Variants in NPLOC4 observed in about 807,000 individuals in gnomAD.
NPLOC4 encodes the protein nuclear protein localization protein 4 homolog.
NPLOC4 carries 18 observed loss-of-function variants against 80.6 expected under a neutral mutation model. That is an observed-to-expected ratio of 0.22 (90% CI 0.15 to 0.33). The LOEUF (loss-of-function observed/expected upper bound fraction) is 0.33. Ranked by LOEUF, NPLOC4 falls within the 10% of genes least tolerant of loss-of-function variation. The pLI is 1.00. For synonymous variants in NPLOC4, 313 were observed against 301.5 expected (o/e 1.04, Z -0.39); for missense variants, 540 against 786.1 (o/e 0.69, Z 3.74).
At chr17:81,564,040 C>T (rs2033930599) in intron 16 of NPLOC4, 1 of 409,106 alleles carries the variant, frequency 2.4e-6, no homozygotes, top group South Asian at 1.7e-5. Flanking sequence ...AAGATTGCGC[C>T]ACTGCACTCC....
At chr17:81,630,149 T>C (rs930594614) in intron 1 of NPLOC4, among the ~76,000 whole-genome samples, 1 of 150,790 alleles carries the variant, frequency 6.6e-6, no homozygotes, top group Non-Finnish European at 1.5e-5. Flanking sequence ...ATGAATGAAC[T>C]GTGTTCTTTA....
intron 3 of NPLOC4, among the ~76,000 whole-genome samples, chr17:81,615,650 G>A (rs993237040): frequency 5.3e-5 from 8 of 152,212 alleles, no homozygotes; most frequent in Non-Finnish European, 1.2e-4. Flanking sequence ...ACAGCTTTGG[G>A]CCTACAGCGG....
At chr17:81,591,480 TG>T (rs1440108235) in intron 11 of NPLOC4, among the ~76,000 whole-genome samples, 1 of 141,376 alleles carries the variant, frequency 7.1e-6, no homozygotes, top group African/African-American at 2.6e-5. Context: ...AAACCTGCTC[TG>T]GTGTTTAGAC....
intron 13 of NPLOC4, among the ~76,000 whole-genome samples, chr17:81,571,088 C>A (rs1477177190): frequency 6.6e-6 from 1 of 152,076 alleles, no homozygotes; most frequent in African/African-American, 2.4e-5. Context: ...GATGCCTTCA[C>A]GGCCTAGGTA....
intron 3 of NPLOC4, among the ~76,000 whole-genome samples, chr17:81,616,333 A>AAAAAAAAAAAAAAAGAAAC (rs780878214): frequency 1.7e-5 from 2 of 115,636 alleles, no homozygotes; most frequent in South Asian, 2.9e-4. Flanking sequence ...AAAAAAAAAA[A>AAAAAAAAAAAAAAAGAAAC]AAAAAGAAAA....
Position 81,622,105 on chromosome 17 carries a change from G to T in NPLOC4, c.209+61C>A. 5 of 1,234,188 alleles carry T rather than the reference G, an allele frequency of 4.1e-6. No individual in the cohort carries two copies. In the South Asian group the frequency reaches 4.8e-5, roughly 12 times the overall value. The allele number at this position is 1,234,188 out of a possible 1,614,324, so 76.5% of individuals were successfully genotyped here. ...AAAGAGGATAAAACTCGGCAACCTC[G>T]GGCAGATCATGGGGACCTCATTTCC... On this transcript the variant is annotated intron_variant, in intron 3 of 16. Transcript: ENST00000331134.
rs1009801342 is a variant in NPLOC4 at position 81,625,470 on chromosome 17, A to T, written c.97-3192T>A. Among the ~76,000 whole-genome samples, 4 of 152,374 alleles carry T rather than the reference A, an allele frequency of 2.6e-5. No individual in the cohort carries two copies. The South Asian group carries it at 8.3e-4, about 32-fold the overall frequency. On this transcript the variant is annotated intron_variant, in intron 2 of 16. Transcript: ENST00000331134. ...AAAAGGAATGTGAATCTCGGTAAAG[A>T]AACAAATCATAAAAGAACAATCAAA...
At chr17:81,627,804 T>C (rs1160773233) in intron 2 of NPLOC4, among the ~76,000 whole-genome samples, 2 of 151,148 alleles carry the variant, frequency 1.3e-5, no homozygotes, top group African/African-American at 4.9e-5. Flanking sequence ...GGTATTGTGG[T>C]GCACACCTGT....
At chr17:81,635,197 G>A (rs1568173879) in intron 1 of NPLOC4, among the ~76,000 whole-genome samples, 8 of 151,802 alleles carry the variant, frequency 5.3e-5, no homozygotes, top group Admixed American at 1.3e-4. Flanking sequence ...AAAGACATCA[G>A]CCATGCGTGT....
rs1355731778 is a variant in NPLOC4, at chr17:81,580,618, C to T, written c.1281+8326G>A. On this transcript the variant is annotated intron_variant, in intron 12 of 16. Transcript: ENST00000331134. This position sits in a 1 kb window ranked among gnomAD's most constrained non-coding sequence, Gnocchi z 4.4. ...TCCAGACACCCCCAGAGCTGCTCTG[C>T]CAATTGACACCTTCTCTCCCCTCTC... 6.6e-6 allele frequency among the ~76,000 whole-genome samples: 1 copy of T among 152,142 alleles called. No individual in the cohort carries two copies. The highest frequency in any genetic ancestry group is 1.5e-5 in the Non-Finnish European group (1 of 68,018).
intron 10 of NPLOC4, 81 bp downstream of exon 10, chr17:81,597,164 C>A: frequency 2.1e-6 from 2 of 970,986 alleles, no homozygotes; most frequent in Non-Finnish European, 1.6e-6. Context: ...ACCAGCGGTG[C>A]AAAGAGACCC....
rs1477066739 is a variant in NPLOC4 at position 81,559,250 on chromosome 17, G to A, written c.*9C>T. 6.3e-7 allele frequency: 1 copy of A among 1,595,312 alleles called. No homozygotes were observed. Among genetic ancestry groups the A allele is most frequent in the South Asian group, 1.1e-5 (1 of 87,962 alleles). On this transcript the variant is annotated 3_prime_UTR_variant, in exon 17 of 17. Coordinates refer to ENST00000331134, the MANE Select transcript of NPLOC4 (RefSeq NM_017921.4). ...TGGGCCCGGTCCTAGCCAGCAGAGG[G>A]CAGGCGCCCTAGGTCCTGGGGAGGC...
intron 1 of NPLOC4, among the ~76,000 whole-genome samples, chr17:81,634,764 T>C (rs570959529): frequency 6.6e-6 from 1 of 152,134 alleles, no homozygotes; most frequent in Admixed American, 6.5e-5. Context: ...TTTTTATTTT[T>C]AGTAGAGACA....
chr17:81,618,300 T>C (rs1466480401), intron 3 of NPLOC4, among the ~76,000 whole-genome samples: 4 of 141,304 alleles, frequency 2.8e-5, no homozygotes, highest in Non-Finnish European at 6.1e-5. Flanking sequence ...GGAGCGCCTC[T>C]GCCCCGCCGC....
At chr17:81,636,803 A>C (rs993379346) in intron 1 of NPLOC4, 113 bp downstream of exon 1, 89 of 1,138,062 alleles carry the variant, frequency 7.8e-5, no homozygotes, top group Non-Finnish European at 9.6e-5. Context: ...TGGCGAGAGA[A>C]GAGAAAGGGG....
intron 13 of NPLOC4, among the ~76,000 whole-genome samples, chr17:81,570,948 AAAG>A (rs1056593763): frequency 2.0e-5 from 3 of 151,980 alleles, no homozygotes; most frequent in African/African-American, 7.3e-5. Context: ...AAAGAAGAGG[AAAG>A]AAGTGGGGAG....
chr17:81,584,705 T>C (rs556950433), intron 12 of NPLOC4, among the ~76,000 whole-genome samples: 1 of 152,316 alleles, frequency 6.6e-6, no homozygotes, highest in South Asian at 2.1e-4. Flanking sequence ...AGTTGCTGGA[T>C]ACAAAAATTT....
intron 3 of NPLOC4, among the ~76,000 whole-genome samples, chr17:81,619,494 G>C (rs1166113095): frequency 6.7e-6 from 1 of 149,350 alleles, no homozygotes; most frequent in Non-Finnish European, 1.5e-5. Context: ...AGGTTGTGGT[G>C]AGCTGAGACC....
At chr17:81,597,611 C>T (rs1201873453) in intron 9 of NPLOC4, among the ~76,000 whole-genome samples, 1 of 151,698 alleles carries the variant, frequency 6.6e-6, no homozygotes, top group Non-Finnish European at 1.5e-5. Flanking sequence ...ATGGAGAAAC[C>T]CTGTCTCTAC....
Sources: gnomAD v4.1 joint callset for allele counts (sites outside exome capture counted in the v4.1 genomes callset) on GRCh38, gnomAD v4.1.1 for gene constraint, Gnocchi (gnomAD v3.1) non-coding constraint, MANE v1.5 for transcripts, NCBI Gene and HGNC (gene_info 2026-07-23, HGNC 2026-07-21) for gene names.